The following PSMC5 variants were observed in gnomAD, a reference collection of about 807,000 sequenced individuals.
PSMC5 encodes the protein 26S proteasome regulatory subunit 8.
A neutral mutation model predicts 49.1 loss-of-function variants in PSMC5; 11 were observed. That is an observed-to-expected ratio of 0.22 (90% CI 0.14 to 0.37). The LOEUF (loss-of-function observed/expected upper bound fraction) is 0.37, where lower values mean the gene tolerates loss of function less well. Ranked by LOEUF, PSMC5 falls within the 10% of genes least tolerant of loss-of-function variation. The probability of loss-of-function intolerance (pLI) is 1.00; values close to 1 mark genes in which losing one functional copy is unlikely to be tolerated. For missense variants in PSMC5, 229 were observed against 520.9 expected (o/e 0.44, Z 5.45); for synonymous variants, 206 against 192.2 (o/e 1.07, Z -0.59).
chr17:63,827,606 CG>C (rs2038047744), intron 1 of PSMC5, 92 bp downstream of exon 1: 1 of 1,549,128 alleles, frequency 6.5e-7, no homozygotes, highest in African/African-American at 1.4e-5. Context: ...GCAGGAGCGT[CG>C]GGTGGGTCGG....
intron 2 of PSMC5, 31 bp from the exon 3 acceptor site, chr17:63,829,463 A>C: frequency 6.5e-7 from 1 of 1,549,090 alleles, no homozygotes; most frequent in Non-Finnish European, 8.7e-7. Context: ...CCTGCCCTTG[A>C]ATAATGGAAT....
Position 63,830,204 on chromosome 17 carries a change from TGAG to T in PSMC5, c.321+17_321+19del, listed in dbSNP as rs1164539421. The T allele has an allele frequency of 6.2e-7, 1 of 1,613,862 alleles. No individual in the cohort carries two copies. Among genetic ancestry groups the T allele is most frequent in the Non-Finnish European group, 8.5e-7 (1 of 1,179,940 alleles). On this transcript the variant is annotated intron_variant, in intron 5 of 11. Coordinates refer to ENST00000310144, the MANE Select transcript of PSMC5 (RefSeq NM_002805.6). This position sits in a 1 kb window ranked among gnomAD's most constrained non-coding sequence, Gnocchi z 4.0. ...ACATCAATGATGTGAGTGTAGCAGG[TGAG>T]GTGGTGGTGGTGGTGGGGTCAGCTC... is the stretch of plus-strand genomic sequence containing the variant.
Position 63,831,190 on chromosome 17 carries a change from C to A in PSMC5, c.834C>A (p.Asn278Lys). 1 of 1,561,178 alleles carries A rather than the reference C, an allele frequency of 6.4e-7. No individual in the cohort carries two copies. Among genetic ancestry groups the A allele is most frequent in the Non-Finnish European group, 8.7e-7 (1 of 1,152,334 alleles). Residue 278 changes from asparagine to lysine, a missense_variant, in exon 8 of 12, where the codon AAC (asparagine) becomes AAA (lysine). Coordinates refer to ENST00000310144, the MANE Select transcript of PSMC5 (RefSeq NM_002805.6). This position sits in a 1 kb window ranked among gnomAD's most constrained non-coding sequence, Gnocchi z 6.3. Reference sequence around the variant, plus strand: ...AGCGCACGATGCTGGAGTTGCTCAACCAGCTCGACGGCTTTGAGGCCACCA... The same window carrying A: ...AGCGCACGATGCTGGAGTTGCTCAAACAGCTCGACGGCTTTGAGGCCACCA... Reference protein sequence around the residue: ...EVQRTMLELLNQLDGFEATKN... With the variant: ...EVQRTMLELLKQLDGFEATKN...
chr17:63,831,327 G>T lies in PSMC5; in HGVS notation c.871G>T (p.Val291Phe). 1 of 1,613,944 alleles carries T rather than the reference G, an allele frequency of 6.2e-7. No individual in the cohort carries two copies. Among genetic ancestry groups the T allele is most frequent in the South Asian group, 1.1e-5 (1 of 91,084 alleles). The change falls in exon 9 of 12, where the codon GTT becomes TTT. Residue 291 changes from valine to phenylalanine, a missense_variant and splice_region_variant. Val to Phe is a conservative substitution (Grantham distance 50). Transcript: ENST00000310144. This position sits in a 1 kb window ranked among gnomAD's most constrained non-coding sequence, Gnocchi z 6.3. ...ATCCCCACTTGCTTTCTCTGCTCAGGTTATCATGGCTACTAATAGGATTGA... is the reference window on the plus strand; with the variant it reads ...ATCCCCACTTGCTTTCTCTGCTCAGTTTATCATGGCTACTAATAGGATTGA... ...DGFEATKNIK[V>F]IMATNRIDIL... is the part of the protein sequence containing the mutation.
rs772000824 is a variant in PSMC5 at position 63,828,188 on chromosome 17, G to A, written c.75G>A (p.Leu25=). Residue 25 remains leucine (L), a synonymous_variant, in exon 2 of 12, where the codon CTG becomes CTA. Transcript: ENST00000310144. The stretch of plus-strand genomic sequence containing the variant: ...GCAGCGGACTCCGCCAATATTATCT[G>A]TCCAAGATTGAAGAACTCCAGGTGA... ...KAGSGLRQYY[L]SKIEELQLIV... The A allele has an allele frequency of 1.2e-6, 2 of 1,613,982 alleles. No homozygotes were observed. Among genetic ancestry groups the A allele is most frequent in the Non-Finnish European group, 8.5e-7 (1 of 1,180,026 alleles).
Position 63,827,509 on chromosome 17 carries a change from G to T in PSMC5, c.19G>T (p.Glu7Ter). The T allele has an allele frequency of 6.4e-7, 1 of 1,551,774 alleles. No homozygotes were observed. The highest frequency in any genetic ancestry group is 8.7e-7 in the Non-Finnish European group (1 of 1,147,010). Residue 7 changes from glutamate (E) to a stop codon, truncating the protein, a stop_gained, in exon 1 of 12, where the codon GAG (glutamate) becomes TAG (stop). Coordinates refer to ENST00000310144, the MANE Select transcript of PSMC5 (RefSeq NM_002805.6). LOFTEE classifies it high-confidence loss of function. ...AGAGAAGATGGCGCTTGACGGACCA[G>T]AGCAGGTATGGCGGGTGCAGTGGCG... MALDGP[E>*]QMELEEGKAG...
chr17:63,828,215 G>A lies in PSMC5; in HGVS notation c.96+6G>A. 3.1e-6 allele frequency: 5 copies of A among 1,614,022 alleles called. No homozygotes were observed. Among genetic ancestry groups the A allele is most frequent in the Non-Finnish European group, 4.2e-6 (5 of 1,179,944 alleles). ...CCAAGATTGAAGAACTCCAGGTGAG[G>A]ACGGACTCCAGAGGGAGCTAGGAAG... On this transcript the variant is annotated splice_donor_region_variant and intron_variant, in intron 2 of 11. Coordinates refer to ENST00000310144, the MANE Select transcript of PSMC5 (RefSeq NM_002805.6).
chr17:63,829,608 A>G (rs1475691576), intron 3 of PSMC5, 45 bp downstream of exon 3: 4 of 1,532,688 alleles, frequency 2.6e-6, no homozygotes, highest in Non-Finnish European at 3.5e-6. Context: ...AGTTTGTCTG[A>G]GGTCTGTCCT....
Position 63,831,491 on chromosome 17 carries a change from C to T in PSMC5, c.970-15C>T, listed in dbSNP as rs1465539056. On this transcript the variant is annotated splice_polypyrimidine_tract_variant and intron_variant, in intron 9 of 11. Coordinates refer to ENST00000310144, the MANE Select transcript of PSMC5 (RefSeq NM_002805.6). The surrounding 1 kb of genome is among the most constrained non-coding windows in gnomAD (Gnocchi z 6.3). Reference sequence around the variant, plus strand: ...GGTGGGGTGTGGGGCTCAGGCTTTTCCTTGCCATCTCCAGGCCCGGCTGGA... The same window carrying T: ...GGTGGGGTGTGGGGCTCAGGCTTTTTCTTGCCATCTCCAGGCCCGGCTGGA... 14 of 1,613,774 alleles carry T rather than the reference C, an allele frequency of 8.7e-6. No individual in the cohort carries two copies. In the African/African-American group the frequency reaches 1.3e-4, roughly 15 times the overall value.
At position 63,830,218 on chromosome 17, in the gene PSMC5, T is replaced by C; in HGVS notation, c.321+29T>C. 1 of 1,613,940 alleles carries C rather than the reference T, an allele frequency of 6.2e-7. No individual in the cohort carries two copies. The highest frequency in any genetic ancestry group is 8.5e-7 in the Non-Finnish European group (1 of 1,179,928). On this transcript the variant is annotated intron_variant, in intron 5 of 11. Transcript: ENST00000310144. This position sits in a 1 kb window ranked among gnomAD's most constrained non-coding sequence, Gnocchi z 4.0. ...AGTGTAGCAGGTGAGGTGGTGGTGG[T>C]GGTGGGGTCAGCTCTTACTGTACCA...
rs1349672029 is a variant in PSMC5 at position 63,830,168 on chromosome 17, C to T, written c.300C>T (p.Asp100=). The part of the protein sequence containing the change: ...HPEGKFVVDV[D]KNIDINDVTP... The stretch of plus-strand genomic sequence containing the variant: ...AAGGTAAATTTGTTGTAGACGTGGA[C>T]AAAAACATTGACATCAATGATGTGA... The change falls in exon 5 of 12, where the codon GAC becomes GAT. Residue 100 remains aspartate (D), a synonymous_variant. Coordinates refer to ENST00000310144, the MANE Select transcript of PSMC5 (RefSeq NM_002805.6). The surrounding 1 kb of genome is among the most constrained non-coding windows in gnomAD (Gnocchi z 4.0). 3 of 1,614,076 alleles carry T rather than the reference C, an allele frequency of 1.9e-6. No individual in the cohort carries two copies. Among genetic ancestry groups the T allele is most frequent in the Non-Finnish European group, 2.5e-6 (3 of 1,180,000 alleles).
At chr17:63,828,000 G>C (rs778178125) in intron 1 of PSMC5, 138 bp from the exon 2 acceptor site, 48 of 1,297,032 alleles carry the variant, frequency 3.7e-5, no homozygotes, top group Admixed American at 1.0e-4. Flanking sequence ...TTAGAACCCA[G>C]ATCCTGAGCC....
chr17:63,828,050 G>C (rs1379454130), intron 1 of PSMC5, 88 bp from the exon 2 acceptor site: 12 of 1,483,506 alleles, frequency 8.1e-6, no homozygotes, highest in Non-Finnish European at 1.0e-5. Context: ...AAGCTACCTG[G>C]TGTCAAGCCT....
intron 1 of PSMC5, chr17:63,827,740 G>C: frequency 7.0e-7 from 1 of 1,433,500 alleles, no homozygotes; most frequent in Non-Finnish European, 9.1e-7. Flanking sequence ...GTGAGTGAGG[G>C]AAGCGATGGG....
At chr17:63,827,537 C>G in intron 1 of PSMC5, 23 bp downstream of exon 1, 1 of 1,551,552 alleles carries the variant, frequency 6.4e-7, no homozygotes, top group Non-Finnish European at 8.7e-7. Context: ...CAGTGGCGGC[C>G]CGGCAGGTTA....
At position 63,831,844 on chromosome 17, in the gene PSMC5, G is replaced by A. The variant is rs1171655887; in HGVS notation, c.1167+34G>A. The stretch of plus-strand genomic sequence containing the variant: ...CTCCATCTTTGTGCCTTTGCCAGTG[G>A]TGGCTCTGGGGCAGTGGGCTAGGGC... On this transcript the variant is annotated intron_variant, in intron 11 of 11. Transcript: ENST00000310144. The surrounding 1 kb of genome is among the most constrained non-coding windows in gnomAD (Gnocchi z 6.3). 2 of 1,613,482 alleles carry A rather than the reference G, an allele frequency of 1.2e-6. No individual in the cohort carries two copies. The highest frequency in any genetic ancestry group is 3.3e-5 in the Admixed American group (2 of 60,030).
Position 63,830,643 on chromosome 17 carries a change from GA to G in PSMC5, c.552+144del. Reference sequence around the variant, plus strand: ...CCTCCCCCTGAAAAGAGTGGCTGGGGAAGTGTTCCTAGGGCGGTGAGGTGGT... The same window carrying G: ...CCTCCCCCTGAAAAGAGTGGCTGGGGAGTGTTCCTAGGGCGGTGAGGTGGT... On this transcript the variant is annotated intron_variant, in intron 6 of 11. Transcript: ENST00000310144. The surrounding 1 kb of genome is among the most constrained non-coding windows in gnomAD (Gnocchi z 4.0). 1.8e-5 allele frequency: 26 copies of G among 1,473,706 alleles called. No individual in the cohort carries two copies. The highest frequency in any genetic ancestry group is 2.3e-5 in the Non-Finnish European group (25 of 1,107,270). 91.3% of individuals were successfully genotyped at this position (1,473,706 alleles called of 1,614,324 possible). A position where few individuals can be genotyped will look rare whatever the true frequency, so the allele number is the denominator to read the frequency against.
At chr17:63,828,356 T>C (rs1199743063) in intron 2 of PSMC5, 147 bp downstream of exon 2, 7 of 738,728 alleles carry the variant, frequency 9.5e-6, no homozygotes, top group Non-Finnish European at 1.6e-5. Flanking sequence ...GTAGGGTGTA[T>C]GTATCAGAAG....
In PSMC5 at chr17:63,829,913, A is replaced by C. The variant is rs368371685; in HGVS notation, c.228A>C (p.Val76=). 6.2e-7 allele frequency: 1 copy of C among 1,612,996 alleles called. No individual in the cohort carries two copies. Among genetic ancestry groups the C allele is most frequent in the African/African-American group, 1.3e-5 (1 of 74,816 alleles). The change falls in exon 4 of 12, where the codon GTA becomes GTC. Residue 76 remains valine (V), a synonymous_variant. Coordinates refer to ENST00000310144, the MANE Select transcript of PSMC5 (RefSeq NM_002805.6). ...AGCAGGGCTCCTATGTGGGGGAAGT[A>C]GTCCGGGCCATGGATAAGAAGAAAG... The part of the protein sequence containing the change: ...LQEQGSYVGE[V]VRAMDKKKVL...
Sources: allele counts gnomAD v4.1 joint callset, GRCh38; gene constraint gnomAD v4.1.1; non-coding constraint Gnocchi (gnomAD v3.1); transcripts MANE v1.5; gene names NCBI Gene and HGNC (gene_info 2026-07-23, HGNC 2026-07-21).